The following TRAF3IP2 variants were observed in gnomAD, a reference collection of about 807,000 sequenced individuals.
The protein encoded by TRAF3IP2 is TRAF3 interacting protein 2.
A neutral mutation model predicts 57.9 loss-of-function variants in TRAF3IP2; 35 were observed. That is an observed-to-expected ratio of 0.60 (90% CI 0.46 to 0.80). The LOEUF (loss-of-function observed/expected upper bound fraction) is 0.80, where lower values mean the gene tolerates loss of function less well. Among genes scored for constraint, TRAF3IP2 ranks in the 30% least tolerant of loss-of-function variants. The pLI is 0.00. For synonymous variants in TRAF3IP2, 251 were observed against 268.9 expected, an observed-to-expected ratio of 0.93 and a Z score of 0.65; for missense variants, 556 against 706.4, an observed-to-expected ratio of 0.79 and a Z score of 2.41.
In TRAF3IP2 at chr6:111,555,583, T is replaced by C. The variant is rs1297341276; in HGVS notation, c.*3822A>G. On this transcript the variant is annotated 3_prime_UTR_variant, in exon 9 of 9. Transcript: ENST00000368761. ...TAAAATTACATTTAAAATTCTAAAT[T>C]AGTCATCAAATATTAGGTAAGAACC... is the stretch of plus-strand genomic sequence containing the variant. Among the ~76,000 whole-genome samples the C allele has an allele frequency of 6.6e-6, 1 of 152,174 alleles. No individual in the cohort carries two copies. Among genetic ancestry groups the C allele is most frequent in the Non-Finnish European group, 1.5e-5 (1 of 68,028 alleles).
intron 3 of TRAF3IP2, chr6:111,577,196 C>A (rs1408954498): frequency 6.7e-6 from 1 of 148,334 alleles, no homozygotes; most frequent in African/African-American, 2.5e-5. Flanking sequence ...AGTTCTTTTG[C>A]ATTAAATTCT....
intron 1 of TRAF3IP2, among the ~76,000 whole-genome samples, chr6:111,596,189 A>G (rs1183727255): frequency 1.3e-5 from 2 of 152,132 alleles, no homozygotes; most frequent in African/African-American, 4.8e-5. Flanking sequence ...TGTCTTATAT[A>G]TTACCCAAAT....
intron 5 of TRAF3IP2, among the ~76,000 whole-genome samples, chr6:111,568,618 G>T (rs1039790213): frequency 6.6e-6 from 1 of 152,058 alleles, no homozygotes; most frequent in African/African-American, 2.4e-5. Flanking sequence ...CAGATTACTT[G>T]TCCTAAATGT....
rs931261600 is a variant in TRAF3IP2 at position 111,555,535 on chromosome 6, A to G, written c.*3870T>C. 1.7e-4 allele frequency among the ~76,000 whole-genome samples: 26 copies of G among 152,196 alleles called. No individual in the cohort carries two copies. Among genetic ancestry groups the G allele is most frequent in the African/African-American group, 6.3e-4 (26 of 41,448 alleles). On this transcript the variant is annotated 3_prime_UTR_variant, in exon 9 of 9. Coordinates refer to ENST00000368761, the MANE Select transcript of TRAF3IP2 (RefSeq NM_147686.4). ...TTGAACAATCTAGAAGTTAAAATAG[A>G]TTTGAAACCAGTCACTAAAATTTAA...
intron 1 of TRAF3IP2, chr6:111,601,317 A>C (rs1369618226): frequency 2.2e-5 from 14 of 647,100 alleles, no homozygotes; most frequent in Non-Finnish European, 3.8e-5. Context: ...CTGCAGAGGC[A>C]TCTTGATTTG....
In TRAF3IP2 at chr6:111,579,966, C is replaced by T. The variant is rs1260079640; in HGVS notation, c.1022+231G>A. Among the ~76,000 whole-genome samples the T allele has an allele frequency of 3.9e-5, 6 of 152,164 alleles. No individual in the cohort carries two copies. The South Asian group carries it at 1.2e-3, about 32-fold the overall frequency. Reference sequence around the variant, plus strand: ...GAGAACATCTGAAGAGCCTTTCCTTCAAGAGAATTTCGACTAGTCACTAGT... The same window carrying T: ...GAGAACATCTGAAGAGCCTTTCCTTTAAGAGAATTTCGACTAGTCACTAGT... On this transcript the variant is annotated intron_variant, in intron 3 of 8. Transcript: ENST00000368761.
intron 4 of TRAF3IP2, among the ~76,000 whole-genome samples, chr6:111,574,271 C>G (rs529862418): frequency 1.3e-5 from 2 of 152,300 alleles, no homozygotes; most frequent in South Asian, 2.1e-4. Context: ...AAGGAATTAG[C>G]AGATGCAAAA....
rs965543696 is a variant in TRAF3IP2, at chr6:111,556,119, A to C, written c.*3286T>G. The stretch of plus-strand genomic sequence containing the variant: ...CTACGTCTCAAAAAAAAAAAAAAAA[A>C]AATGCTTTGATGTTGGTGGTCATCG... On this transcript the variant is annotated 3_prime_UTR_variant, in exon 9 of 9. Transcript: ENST00000368761. Among the ~76,000 whole-genome samples the C allele has an allele frequency of 6.7e-6, 1 of 149,432 alleles. No individual in the cohort carries two copies. The highest frequency in any genetic ancestry group is 2.4e-5 in the African/African-American group (1 of 40,964).
At position 111,558,682 on chromosome 6, in the gene TRAF3IP2, G is replaced by GCCTT. The variant is rs1225661745; in HGVS notation, c.*719_*722dup. The GCCTT allele has an allele frequency of 6.6e-6, 1 of 152,166 alleles. No homozygotes were observed. Among genetic ancestry groups the GCCTT allele is most frequent in the African/African-American group, 2.4e-5 (1 of 41,432 alleles). 9.4% of individuals were successfully genotyped at this position (152,166 alleles called of 1,614,324 possible). On this transcript the variant is annotated 3_prime_UTR_variant, in exon 9 of 9. Transcript: ENST00000368761. The stretch of plus-strand genomic sequence containing the variant: ...ACTCCTGACCTCAAATGATCTGCCT[G>GCCTT]CCTTAGCTTCCCAAAGTGCTGGGAT...
intron 1 of TRAF3IP2, chr6:111,598,034 A>ATC (rs1333342092): frequency 5.2e-6 from 2 of 387,524 alleles, no homozygotes; most frequent in African/African-American, 4.2e-5. Flanking sequence ...GCCCTGGGTC[A>ATC]TCTCAGGCTC....
rs1256800337 is a variant in TRAF3IP2 at position 111,575,837 on chromosome 6, T to A, written c.1023-16A>T. Reference sequence around the variant, plus strand: ...TGGCTGGTCCCTAGAAAGGAATACATTTACAGTCAATTTTCATTCTTTACA... The same window carrying A: ...TGGCTGGTCCCTAGAAAGGAATACAATTACAGTCAATTTTCATTCTTTACA... On this transcript the variant is annotated splice_polypyrimidine_tract_variant and intron_variant, in intron 3 of 8. Coordinates refer to ENST00000368761, the MANE Select transcript of TRAF3IP2 (RefSeq NM_147686.4). 1.9e-6 allele frequency: 3 copies of A among 1,604,398 alleles called. No individual in the cohort carries two copies. The highest frequency in any genetic ancestry group is 2.5e-6 in the Non-Finnish European group (3 of 1,176,818).
chr6:111,559,590 G>A (rs1462669289), intron 8 of TRAF3IP2, 39 bp from the exon 9 acceptor site: 11 of 1,598,302 alleles, frequency 6.9e-6, no homozygotes, highest in Non-Finnish European at 9.4e-6. Context: ...GGTCATTAGA[G>A]AAAAACCTGG....
rs1394775408 is a variant in TRAF3IP2 at position 111,566,627 on chromosome 6, C to T, written c.1360-67G>A. Reference sequence around the variant, plus strand: ...CAGCAGGACTGTGGGCATTCTCTGACACACGGGGTGGAGGGCCAGGCTCAT... The same window carrying T: ...CAGCAGGACTGTGGGCATTCTCTGATACACGGGGTGGAGGGCCAGGCTCAT... On this transcript the variant is annotated intron_variant, in intron 6 of 8. Transcript: ENST00000368761. 3 of 1,382,014 alleles carry T rather than the reference C, an allele frequency of 2.2e-6. No homozygotes were observed. In the African/African-American group the frequency reaches 4.3e-5, roughly 20 times the overall value. 85.6% of individuals were successfully genotyped at this position (1,382,014 alleles called of 1,614,324 possible).
At chr6:111,562,049 G>A (rs1447191227) in intron 8 of TRAF3IP2, among the ~76,000 whole-genome samples, 1 of 152,204 alleles carries the variant, frequency 6.6e-6, no homozygotes, top group Non-Finnish European at 1.5e-5. Flanking sequence ...GATCCCTCCA[G>A]GGTGAAACAG....
chr6:111,562,830 G>T, intron 8 of TRAF3IP2, 135 bp downstream of exon 8: 1 of 673,350 alleles, frequency 1.5e-6, no homozygotes, highest in Non-Finnish European at 2.4e-6. Flanking sequence ...GGGCAACACA[G>T]CGAGACTCCA....
intron 1 of TRAF3IP2, among the ~76,000 whole-genome samples, chr6:111,595,843 A>C (rs1796672753): frequency 6.6e-6 from 1 of 151,890 alleles, no homozygotes; most frequent in Admixed American, 6.6e-5. Context: ...AAAAAAAAAA[A>C]AGGAGGTATG....
In TRAF3IP2 at chr6:111,591,359, C is replaced by T; in HGVS notation, c.728G>A (p.Arg243Lys). 1 of 1,540,840 alleles carries T rather than the reference C, an allele frequency of 6.5e-7. No individual in the cohort carries two copies. Among genetic ancestry groups the T allele is most frequent in the Non-Finnish European group, 8.7e-7 (1 of 1,147,296 alleles). ...SREFPQFEPQ[R>K]YPACAQMLPP... is the part of the protein sequence containing the mutation. ...CAGCATCTGTGCACATGCTGGATAC[C>T]TCTGAGGTTCAAACTGAGGGAACTC... The change falls in exon 2 of 9, where the codon AGG becomes AAG. Residue 243 changes from arginine to lysine, a missense_variant. Physicochemically the swap from Arg to Lys is conservative, Grantham distance 26. Coordinates refer to ENST00000368761, the MANE Select transcript of TRAF3IP2 (RefSeq NM_147686.4). This position sits in a 1 kb window ranked among gnomAD's most constrained non-coding sequence, Gnocchi z 4.9.
intron 3 of TRAF3IP2, among the ~76,000 whole-genome samples, chr6:111,578,908 A>G (rs993819908): frequency 1.6e-4 from 25 of 152,258 alleles, no homozygotes; most frequent in Admixed American, 1.6e-3. Flanking sequence ...GAGCAAAAGT[A>G]AACATTTAAT....
chr6:111,586,588 G>T (rs1021195460), intron 2 of TRAF3IP2, among the ~76,000 whole-genome samples: 1 of 151,424 alleles, frequency 6.6e-6, no homozygotes, highest in African/African-American at 2.4e-5. Flanking sequence ...GCTTTAACTT[G>T]CAAAAAGCTT....
Sources: gnomAD v4.1 joint callset for allele counts (sites outside exome capture counted in the v4.1 genomes callset) on GRCh38, gnomAD v4.1.1 for gene constraint, Gnocchi (gnomAD v3.1) non-coding constraint, MANE v1.5 for transcripts, NCBI Gene and HGNC (gene_info 2026-07-23, HGNC 2026-07-21) for gene names.